Variants in PTER observed in about 807,000 individuals in gnomAD.
PTER encodes the protein N-acetyltaurine hydrolase.
In PTER, 38 loss-of-function variants were observed where a neutral mutation model predicts 29.6. The ratio of observed to expected loss-of-function variants is 1.28; its 90% CI spans 0.99 to 1.68. The LOEUF (loss-of-function observed/expected upper bound fraction) is 1.68. Ranked by LOEUF, PTER falls within the 40% of genes most tolerant of loss-of-function variation. The probability of loss-of-function intolerance (pLI) is 0.00; values close to 1 mark genes in which losing one functional copy is unlikely to be tolerated. For synonymous variants in PTER, 172 were observed against 154.5 expected (o/e 1.11, Z -0.84); for missense variants, 482 against 427.8 (o/e 1.13, Z -1.12).
chr10:16,467,801 C>CCAAA (rs1564393325), intron 1 of PTER, among the ~76,000 whole-genome samples: 1 of 152,044 alleles, frequency 6.6e-6, no homozygotes. Context: ...AATTATGTCT[C>CCAAA]AATAATAATA....
At chr10:16,509,603 G>A (rs1836731860) in intron 4 of PTER, among the ~76,000 whole-genome samples, 1 of 152,172 alleles carries the variant, frequency 6.6e-6, no homozygotes, top group Admixed American at 6.5e-5. Flanking sequence ...ATCAAGGTTT[G>A]TCACCCTAAG....
At chr10:16,473,301 C>T (rs191848644) in intron 1 of PTER, among the ~76,000 whole-genome samples, 13 of 152,212 alleles carry the variant, frequency 8.5e-5, no homozygotes, top group Admixed American at 5.2e-4. Context: ...CCACGCAGTG[C>T]TGGAATATAC....
At position 16,484,699 on chromosome 10, in the gene PTER, A is replaced by C. The variant is rs543276092; in HGVS notation, c.315A>C (p.Arg105=). 10 of 1,614,178 alleles carry C rather than the reference A, an allele frequency of 6.2e-6. No homozygotes were observed. Among genetic ancestry groups the C allele is most frequent in the Middle Eastern group, 3.3e-4 (2 of 6,062 alleles). The change falls in exon 2 of 5, where the codon CGA becomes CGC. Residue 105 remains arginine (R), a synonymous_variant. Coordinates refer to ENST00000535784, the MANE Select transcript of PTER (RefSeq NM_001261836.2). ...LVENTTTGIS[R]DTQTLKRLAE... Reference sequence around the variant, plus strand: ...AAAACACAACCACTGGGATTAGCCGAGACACACAGACGTTGAAGAGGCTTG... The same window carrying C: ...AAAACACAACCACTGGGATTAGCCGCGACACACAGACGTTGAAGAGGCTTG...
chr10:16,486,954 G>A (rs1386822737), intron 3 of PTER, among the ~76,000 whole-genome samples: 1 of 152,132 alleles, frequency 6.6e-6, no homozygotes, highest in Admixed American at 6.6e-5. Context: ...CAAAGTAGCT[G>A]CCAATTCCAC....
intron 4 of PTER, among the ~76,000 whole-genome samples, chr10:16,508,070 CTTTTT>C (rs56800279): frequency 1.6e-5 from 2 of 127,880 alleles, no homozygotes; most frequent in Non-Finnish European, 3.2e-5. Context: ...TTTTCTTTTT[CTTTTT>C]TTTTTTTTTT....
At position 16,484,567 on chromosome 10, in the gene PTER, G is replaced by T. The variant is rs1355479054; in HGVS notation, c.183G>T (p.Gln61His). The change falls in exon 2 of 5, where the codon CAG becomes CAT. Residue 61 changes from glutamine (Q) to histidine (H), a missense_variant. By Grantham distance (24) the Gln-to-His change is conservative. Transcript: ENST00000535784. ...TGATGAAAAATTTATATTGGATTCA[G>T]AAAAACGCCTATTCCCATAAAGAAA... ...PIVMKNLYWI[Q>H]KNAYSHKENL... The T allele has an allele frequency of 6.2e-7, 1 of 1,613,936 alleles. No individual in the cohort carries two copies.
In PTER at chr10:16,511,174, A is replaced by C; in HGVS notation, c.968A>C (p.Lys323Thr). The change falls in exon 5 of 5, where the codon AAA (lysine) becomes ACA (threonine). Residue 323 changes from lysine to threonine, a missense_variant. Physicochemically the swap from Lys to Thr is moderately conservative, Grantham distance 78. Transcript: ENST00000535784. ...YSHILTNVVP[K>T]MLLRGITENV... ...CATATACTCACCAATGTTGTTCCTA[A>C]AATGTTGCTGAGAGGCATAACTGAG... 6.2e-7 allele frequency: 1 copy of C among 1,614,118 alleles called. No individual in the cohort carries two copies. Among genetic ancestry groups the C allele is most frequent in the Non-Finnish European group, 8.5e-7 (1 of 1,179,984 alleles).
chr10:16,489,616 C>G (rs566276737), intron 3 of PTER, among the ~76,000 whole-genome samples: 23 of 151,720 alleles, frequency 1.5e-4, no homozygotes, highest in African/African-American at 5.6e-4. Context: ...ACGTGGGACA[C>G]TTTATACTAA....
intron 1 of PTER, among the ~76,000 whole-genome samples, chr10:16,463,222 A>AT (rs1564391250): frequency 6.6e-6 from 1 of 150,394 alleles, no homozygotes; most frequent in Non-Finnish European, 1.5e-5. Flanking sequence ...AAAAAAAAAA[A>AT]TACTGTTTCT....
intron 1 of PTER, among the ~76,000 whole-genome samples, chr10:16,479,820 A>G (rs949706822): frequency 6.6e-6 from 1 of 151,710 alleles, no homozygotes; most frequent in Non-Finnish European, 1.5e-5. Context: ...TGCAGGTACA[A>G]CGGGCCCCCT....
chr10:16,495,885 A>G (rs777011330), intron 3 of PTER, among the ~76,000 whole-genome samples: 1 of 152,202 alleles, frequency 6.6e-6, no homozygotes, highest in Non-Finnish European at 1.5e-5. Flanking sequence ...ACGTGACATA[A>G]TTATTTCACC....
chr10:16,455,507 A>C (rs1381377262), intron 1 of PTER, among the ~76,000 whole-genome samples: 3 of 152,176 alleles, frequency 2.0e-5, no homozygotes, highest in Non-Finnish European at 2.9e-5. Context: ...CCTGGGCAAC[A>C]TATCAATACC....
At chr10:16,514,881 G>A (rs1242682534), downstream of PTER, among the ~76,000 whole-genome samples, 2 of 152,138 alleles carry the variant, frequency 1.3e-5, no homozygotes, top group Admixed American at 6.5e-5. Context: ...TTTCCGCTAC[G>A]TTAGTGAGAA....
At chr10:16,452,063 C>G (rs950267831) in intron 1 of PTER, among the ~76,000 whole-genome samples, 1 of 152,026 alleles carries the variant, frequency 6.6e-6, no homozygotes, top group Non-Finnish European at 1.5e-5. Context: ...ACAATAATAT[C>G]TATGAAATCA....
At chr10:16,484,013 A>G (rs919222182) in intron 1 of PTER, among the ~76,000 whole-genome samples, 3 of 152,288 alleles carry the variant, frequency 2.0e-5, no homozygotes, top group East Asian at 3.9e-4. Flanking sequence ...CCAAGAATGC[A>G]TAGCTATGAT....
Position 16,497,817 on chromosome 10 carries a change from G to T in PTER, c.699-7203G>T, listed in dbSNP as rs954821861. On this transcript the variant is annotated intron_variant, in intron 3 of 4. Coordinates refer to ENST00000535784, the MANE Select transcript of PTER (RefSeq NM_001261836.2). Reference sequence around the variant, plus strand: ...GATAAGATCTAGAATATAAAAGGGGGTTGAAAATAGAATCACCTGTCTTGC... The same window carrying T: ...GATAAGATCTAGAATATAAAAGGGGTTTGAAAATAGAATCACCTGTCTTGC... Among the ~76,000 whole-genome samples, 3 of 152,254 alleles carry T rather than the reference G, an allele frequency of 2.0e-5. No homozygotes were observed. In the East Asian group the frequency reaches 5.8e-4, roughly 29 times the overall value.
chr10:16,486,148 C>T (rs1016632839), intron 2 of PTER, among the ~76,000 whole-genome samples: 3 of 152,082 alleles, frequency 2.0e-5, no homozygotes, highest in South Asian at 4.1e-4. Flanking sequence ...ATGATATTAT[C>T]GAATCTTGGA....
chr10:16,447,211 C>T (rs1303197698), intron 1 of PTER, among the ~76,000 whole-genome samples: 1 of 151,336 alleles, frequency 6.6e-6, no homozygotes, highest in Non-Finnish European at 1.5e-5. Context: ...AGCGATCCTC[C>T]CACCTCAGCC....
At chr10:16,509,296 A>G (rs200355804) in intron 4 of PTER, among the ~76,000 whole-genome samples, 1 of 146,316 alleles carries the variant, frequency 6.8e-6, no homozygotes, top group African/African-American at 2.5e-5. Context: ...TCTTTCTCAT[A>G]AGTAGTCTCC....
Sources: allele counts gnomAD v4.1 joint callset (sites outside exome capture counted in the v4.1 genomes callset), GRCh38; gene constraint gnomAD v4.1.1; transcripts MANE v1.5; gene names NCBI Gene and HGNC (gene_info 2026-07-23, HGNC 2026-07-21).